The following GPC5 variants were observed in gnomAD, a reference collection of about 807,000 sequenced individuals.
The protein encoded by GPC5 is glypican 5.
GPC5 carries 47 observed loss-of-function variants against 53.9 expected under a neutral mutation model. The ratio of observed to expected loss-of-function variants is 0.87; its 90% confidence interval spans 0.69 to 1.11. The LOEUF is 1.11. GPC5 is among the 50% of genes most tolerant of loss of function. The probability of loss-of-function intolerance (pLI) is 0.00; values close to 1 mark genes in which losing one functional copy is unlikely to be tolerated. For synonymous variants in GPC5, 286 were observed against 263.3 expected (o/e 1.09, Z -0.84); for missense variants, 748 against 713.1 (o/e 1.05, Z -0.56).
At chr13:92,177,963 G>A (rs1042877530) in intron 7 of GPC5, among the ~76,000 whole-genome samples, 5 of 152,234 alleles carry the variant, frequency 3.3e-5, no homozygotes, top group Admixed American at 1.3e-4. Flanking sequence ...GAAGATTACT[G>A]GGAATAGCAT....
At chr13:92,383,501 G>A (rs2043767312) in intron 7 of GPC5, among the ~76,000 whole-genome samples, 1 of 152,066 alleles carries the variant, frequency 6.6e-6, no homozygotes, top group Admixed American at 6.6e-5. Context: ...AATGATAGAC[G>A]ACTAAAACAT....
At chr13:91,701,090 T>C (rs1244291950) in intron 3 of GPC5, among the ~76,000 whole-genome samples, 1 of 152,174 alleles carries the variant, frequency 6.6e-6, no homozygotes, top group Non-Finnish European at 1.5e-5. Context: ...TTTAACTACC[T>C]TTTAATTGTC....
chr13:92,659,780 A>T (rs2139183054), intron 7 of GPC5, among the ~76,000 whole-genome samples: 1 of 152,314 alleles, frequency 6.6e-6, no homozygotes, highest in Non-Finnish European at 1.5e-5. Context: ...TAGCTTTTCC[A>T]CATCTGGTAG....
At chr13:91,515,016 C>T (rs1164853704) in intron 2 of GPC5, among the ~76,000 whole-genome samples, 1 of 152,182 alleles carries the variant, frequency 6.6e-6, no homozygotes, top group Non-Finnish European at 1.5e-5. Context: ...TTAAATAATA[C>T]TAAAATTCAC....
chr13:92,707,251 C>A (rs1385132593), intron 7 of GPC5, among the ~76,000 whole-genome samples: 1 of 152,168 alleles, frequency 6.6e-6, no homozygotes. Context: ...TACCATGCTA[C>A]AAATTCATAT....
intron 7 of GPC5, chr13:92,701,256 G>A (rs569702579): frequency 6.6e-6 from 1 of 152,056 alleles, no homozygotes; most frequent in South Asian, 2.1e-4. Flanking sequence ...AATAACCCTG[G>A]ATCTAAAATG....
At chr13:91,426,428 T>G (rs188104258) in intron 1 of GPC5, among the ~76,000 whole-genome samples, 4 of 152,028 alleles carry the variant, frequency 2.6e-5, no homozygotes, top group Non-Finnish European at 4.4e-5. Context: ...TAAAAGGGAG[T>G]TTATTAAACA....
At chr13:91,724,998 G>A (rs781576867) in intron 3 of GPC5, 5 of 152,242 alleles carry the variant, frequency 3.3e-5, no homozygotes, top group Non-Finnish European at 5.9e-5. Context: ...ATAAGACTGA[G>A]TGCACAGTTG....
chr13:91,443,606 G>A (rs1028493417), intron 1 of GPC5, among the ~76,000 whole-genome samples: 5 of 152,196 alleles, frequency 3.3e-5, no homozygotes, highest in African/African-American at 1.2e-4. Context: ...TCATCTGACA[G>A]ATTTTCTGCC....
At chr13:91,613,128 G>A (rs556744957) in intron 2 of GPC5, among the ~76,000 whole-genome samples, 91 of 152,260 alleles carry the variant, frequency 6.0e-4, no homozygotes, top group Middle Eastern at 6.8e-3. Context: ...AGAAGTCTAA[G>A]GCAAATACAC....
rs368372235 is a variant in GPC5 at position 91,844,619 on chromosome 13, C to T, written c.1281-63318C>T. On this transcript the variant is annotated intron_variant, in intron 5 of 7. Coordinates refer to ENST00000377067, the MANE Select transcript of GPC5 (RefSeq NM_004466.6). ...TTCTCTGCATTCAAGGGTAACCATCCACTGAAGGGTGCACATGTGAATTAA... is the reference window on the plus strand; with the variant it reads ...TTCTCTGCATTCAAGGGTAACCATCTACTGAAGGGTGCACATGTGAATTAA... Among the ~76,000 whole-genome samples the T allele has an allele frequency of 2.4e-3, 362 of 152,318 alleles. 1 individual carries two copies. Among genetic ancestry groups the T allele is most frequent in the African/African-American group, 8.4e-3 (348 of 41,574 alleles).
intron 2 of GPC5, among the ~76,000 whole-genome samples, chr13:91,471,993 A>G (rs1882661462): frequency 6.6e-6 from 1 of 152,140 alleles, no homozygotes; most frequent in African/African-American, 2.4e-5. Flanking sequence ...TTAAAATGCT[A>G]TCTAATATTC....
intron 5 of GPC5, among the ~76,000 whole-genome samples, chr13:91,840,955 T>C (rs1340278266): frequency 1.3e-5 from 2 of 152,034 alleles, no homozygotes; most frequent in Non-Finnish European, 2.9e-5. Context: ...CTCATAACTG[T>C]GGATATATCC....
intron 6 of GPC5, among the ~76,000 whole-genome samples, chr13:92,140,553 A>AT (rs2041822928): frequency 6.6e-6 from 1 of 152,038 alleles, no homozygotes; most frequent in Non-Finnish European, 1.5e-5. Context: ...TTTCTCAAAC[A>AT]TTTTTCCACA....
At chr13:92,556,628 A>G (rs146007924) in intron 7 of GPC5, among the ~76,000 whole-genome samples, 1 of 151,924 alleles carries the variant, frequency 6.6e-6, no homozygotes, top group East Asian at 1.9e-4. Flanking sequence ...CTTAACAAGC[A>G]AAAGATGCCA....
At chr13:92,160,735 A>G (rs1201506157) in intron 7 of GPC5, among the ~76,000 whole-genome samples, 1 of 152,216 alleles carries the variant, frequency 6.6e-6, no homozygotes, top group Non-Finnish European at 1.5e-5. Flanking sequence ...CCAACTCTAC[A>G]GAACAGGGGA....
intron 7 of GPC5, among the ~76,000 whole-genome samples, chr13:92,394,877 T>G (rs1172293962): frequency 1.3e-5 from 2 of 152,204 alleles, no homozygotes; most frequent in Non-Finnish European, 2.9e-5. Flanking sequence ...AAAGCTTTTC[T>G]TAACTCTAAA....
At chr13:92,077,990 CA>C (rs2041266150) in intron 6 of GPC5, among the ~76,000 whole-genome samples, 1 of 151,804 alleles carries the variant, frequency 6.6e-6, no homozygotes, top group Non-Finnish European at 1.5e-5. Flanking sequence ...GATATACATA[CA>C]TACATACAGG....
chr13:92,084,292 T>C (rs1268817346), intron 6 of GPC5, among the ~76,000 whole-genome samples: 1 of 152,240 alleles, frequency 6.6e-6, no homozygotes, highest in African/African-American at 2.4e-5. Context: ...TTTTTAAATA[T>C]AACATATCAG....
Sources: allele counts gnomAD v4.1 joint callset (sites outside exome capture counted in the v4.1 genomes callset), GRCh38; gene constraint gnomAD v4.1.1; transcripts MANE v1.5; gene names NCBI Gene and HGNC (gene_info 2026-07-23, HGNC 2026-07-21).